The following ADAMTS3 variants were observed in gnomAD, a reference collection of about 807,000 sequenced individuals.
The protein encoded by ADAMTS3 is A disintegrin and metalloproteinase with thrombospondin motifs 3.
ADAMTS3 carries 73 observed loss-of-function variants against 129.0 expected under a neutral mutation model. That is an observed-to-expected ratio of 0.57 (90% CI 0.47 to 0.69). The LOEUF (loss-of-function observed/expected upper bound fraction) is 0.69, where lower values mean the gene tolerates loss of function less well. ADAMTS3 is among the 30% of genes least tolerant of loss of function. The probability of loss-of-function intolerance (pLI) is 0.00; values close to 1 mark genes in which losing one functional copy is unlikely to be tolerated. For synonymous variants in ADAMTS3, 477 were observed against 510.8 expected (o/e 0.93, Z 0.89); for missense variants, 1,457 against 1,514.5 (o/e 0.96, Z 0.63).
chr4:72,297,330 A>C (rs1161072229), intron 18 of ADAMTS3, among the ~76,000 whole-genome samples: 1 of 152,140 alleles, frequency 6.6e-6, no homozygotes, highest in East Asian at 1.9e-4. Context: ...GGAGGGTCCA[A>C]ATTAAATAAG....
intron 4 of ADAMTS3, among the ~76,000 whole-genome samples, chr4:72,394,119 T>C (rs1721667902): frequency 6.6e-6 from 1 of 152,144 alleles, no homozygotes; most frequent in South Asian, 2.1e-4. Context: ...TTCAGAGGAA[T>C]AATGCTATAA....
chr4:72,401,566 C>CAAAAAAA (rs374322807), intron 4 of ADAMTS3, among the ~76,000 whole-genome samples: 123 of 36,350 alleles, frequency 3.4e-3, no homozygotes, highest in Middle Eastern at 0.036. Context: ...TACTCTGTCT[C>CAAAAAAA]AAAAAAAAAA....
intron 4 of ADAMTS3, among the ~76,000 whole-genome samples, chr4:72,396,394 A>C (rs1348242246): frequency 6.6e-6 from 1 of 152,244 alleles, no homozygotes; most frequent in Non-Finnish European, 1.5e-5. Flanking sequence ...GTATATGACA[A>C]AGTATGAAAA....
chr4:72,435,403 G>A (rs1041778647), intron 3 of ADAMTS3, among the ~76,000 whole-genome samples: 1 of 151,722 alleles, frequency 6.6e-6, no homozygotes, highest in Admixed American at 6.6e-5. Context: ...ATATTGAAAT[G>A]TTAACCGATG....
chr4:72,296,414 AG>A, intron 18 of ADAMTS3, among the ~76,000 whole-genome samples: 1 of 152,186 alleles, frequency 6.6e-6, no homozygotes, highest in South Asian at 2.1e-4. Flanking sequence ...TGAAGGTTAT[AG>A]GGAGTTACTG....
At chr4:72,399,826 CGTGTGTATATATATACACACACG>C (rs1329103640) in intron 4 of ADAMTS3, among the ~76,000 whole-genome samples, 1 of 3,480 alleles carries the variant, frequency 2.9e-4, no homozygotes, top group African/African-American at 7.6e-4. Flanking sequence ...TGTGTATATA[CGTGTGTATATATATACACACACG>C]GTGTGTATAT....
intron 4 of ADAMTS3, among the ~76,000 whole-genome samples, chr4:72,352,642 T>C (rs1382782598): frequency 6.6e-6 from 1 of 151,946 alleles, no homozygotes; most frequent in Admixed American, 6.6e-5. Flanking sequence ...GATATTTTCA[T>C]GCAAGATATT....
At chr4:72,411,791 C>A (rs766655198) in intron 4 of ADAMTS3, among the ~76,000 whole-genome samples, 13 of 152,068 alleles carry the variant, frequency 8.5e-5, no homozygotes, top group Non-Finnish European at 1.3e-4. Context: ...AAAGAGAATT[C>A]TCTAGTCTTC....
At chr4:72,447,707 T>G (rs1718295484) in intron 3 of ADAMTS3, among the ~76,000 whole-genome samples, 1 of 151,718 alleles carries the variant, frequency 6.6e-6, no homozygotes, top group African/African-American at 2.4e-5. Context: ...ATCTACACAT[T>G]TTGCAGTAGA....
intron 11 of ADAMTS3, among the ~76,000 whole-genome samples, chr4:72,314,105 A>G (rs1369523351): frequency 6.6e-6 from 1 of 152,144 alleles, no homozygotes; most frequent in African/African-American, 2.4e-5. Flanking sequence ...ACTATAATCA[A>G]TAAGAACTCT....
intron 3 of ADAMTS3, among the ~76,000 whole-genome samples, chr4:72,467,047 G>C (rs558521867): frequency 8.2e-4 from 125 of 151,944 alleles, no homozygotes; most frequent in Non-Finnish European, 1.4e-3. Flanking sequence ...TTTCAAAGTT[G>C]TATTTTATTT....
chr4:72,316,043 C>A (rs1719387694), intron 10 of ADAMTS3, 72 bp from the exon 11 acceptor site: 1 of 851,950 alleles, frequency 1.2e-6, no homozygotes, highest in African/African-American at 1.7e-5. Context: ...ATATTCTATA[C>A]AGTTTCTTCT....
At chr4:72,316,806 C>T (rs1275223249) in intron 10 of ADAMTS3, among the ~76,000 whole-genome samples, 2 of 151,952 alleles carry the variant, frequency 1.3e-5, no homozygotes, top group African/African-American at 2.4e-5. Flanking sequence ...AACAAAATAT[C>T]ATAATACATT....
chr4:72,294,883 A>C (rs992669768), intron 19 of ADAMTS3, among the ~76,000 whole-genome samples: 2 of 152,050 alleles, frequency 1.3e-5, no homozygotes, highest in African/African-American at 4.8e-5. Context: ...AGGAATTCCA[A>C]GGAGGATGAT....
chr4:72,409,571 A>T (rs1345511236), intron 4 of ADAMTS3, among the ~76,000 whole-genome samples: 1 of 152,182 alleles, frequency 6.6e-6, no homozygotes, highest in African/African-American at 2.4e-5. Flanking sequence ...TGGAAAAAAA[A>T]ATATAGAGTT....
chr4:72,469,374 C>T (rs890914694), intron 3 of ADAMTS3, among the ~76,000 whole-genome samples: 10 of 152,054 alleles, frequency 6.6e-5, no homozygotes, highest in Non-Finnish European at 1.5e-4. Context: ...GATGTTGTTT[C>T]AGGCTCATTG....
At chr4:72,545,207 T>C (rs1340054590) in intron 3 of ADAMTS3, among the ~76,000 whole-genome samples, 1 of 152,162 alleles carries the variant, frequency 6.6e-6, no homozygotes, top group Non-Finnish European at 1.5e-5. Flanking sequence ...GCTTGACATA[T>C]GTATGATTCT....
At chr4:72,349,629 C>T (rs1414237416) in intron 4 of ADAMTS3, among the ~76,000 whole-genome samples, 1 of 151,802 alleles carries the variant, frequency 6.6e-6, no homozygotes, top group East Asian at 1.9e-4. Flanking sequence ...TAAACAACCT[C>T]GGTTGTCTAA....
chr4:72,408,939 A>T (rs994186853), intron 4 of ADAMTS3, among the ~76,000 whole-genome samples: 1 of 152,058 alleles, frequency 6.6e-6, no homozygotes, highest in South Asian at 2.1e-4. Flanking sequence ...TAGGGGAGGG[A>T]TAACATTGGG....
Sources: gnomAD v4.1 joint callset for allele counts (sites outside exome capture counted in the v4.1 genomes callset) on GRCh38, gnomAD v4.1.1 for gene constraint, MANE v1.5 for transcripts, NCBI Gene and HGNC (gene_info 2026-07-23, HGNC 2026-07-21) for gene names.